ZNF407: variants seen among roughly 807,000 people sequenced by gnomAD.
ZNF407 encodes zinc finger protein 407.
A neutral mutation model predicts 131.2 loss-of-function variants in ZNF407; 17 were observed. The observed-to-expected ratio is 0.13, with a 90% CI of 0.09 to 0.19. ZNF407 has a LOEUF of 0.19. Ranked by LOEUF, ZNF407 falls within the 10% of genes least tolerant of loss-of-function variation. The pLI, the probability that ZNF407 is intolerant of heterozygous loss-of-function variation, is 1.00. For missense variants in ZNF407, 2,681 were observed against 2,830.6 expected, an observed-to-expected ratio of 0.95 and a Z score of 1.20; for synonymous variants, 1,156 against 1,062.0, an observed-to-expected ratio of 1.09 and a Z score of -1.72.
intron 3 of ZNF407, among the ~76,000 whole-genome samples, chr18:74,764,941 A>G (rs540627904): frequency 5.5e-4 from 84 of 152,322 alleles, no homozygotes; most frequent in Non-Finnish European, 1.0e-3. Context: ...CATTCTCATT[A>G]TCTTCACATT....
At chr18:74,694,152 TG>T (rs1423494858) in intron 3 of ZNF407, among the ~76,000 whole-genome samples, 2 of 152,152 alleles carry the variant, frequency 1.3e-5, no homozygotes, top group Admixed American at 1.3e-4. Context: ...CTTTAAAGAA[TG>T]TTGGATTTTT....
rs113305397 is a variant in ZNF407 at position 74,820,239 on chromosome 18, G to C, written c.4877+38737G>C. The stretch of plus-strand genomic sequence containing the variant: ...GTGTGCACAAAACCTGGGGAGGGCA[G>C]GCAGCAGGTGTCCCAGGAGCTTGGA... On this transcript the variant is annotated intron_variant, in intron 4 of 8. Transcript: ENST00000299687. 5.9e-3 allele frequency among the ~76,000 whole-genome samples: 903 copies of C among 152,330 alleles called. 5 individuals are homozygous for C. Among genetic ancestry groups the C allele is most frequent in the African/African-American group, 0.02 (833 of 41,588 alleles).
intron 3 of ZNF407, among the ~76,000 whole-genome samples, chr18:74,685,397 T>A (rs1443575086): frequency 1.3e-5 from 2 of 152,160 alleles, no homozygotes; most frequent in East Asian, 3.8e-4. Context: ...TGGCACTGTC[T>A]TCCTTCTCCT....
chr18:74,604,952 T>G (rs1982738856), intron 1 of ZNF407, among the ~76,000 whole-genome samples: 1 of 152,212 alleles, frequency 6.6e-6, no homozygotes, highest in Admixed American at 6.5e-5. Flanking sequence ...TGGGCCATTC[T>G]TACAGTAAGC....
intron 4 of ZNF407, among the ~76,000 whole-genome samples, chr18:74,800,840 A>T (rs1970007560): frequency 6.6e-6 from 1 of 152,080 alleles, no homozygotes; most frequent in East Asian, 1.9e-4. Flanking sequence ...TTTGTCAGTG[A>T]TTTGCCCTAT....
At position 75,015,177 on chromosome 18, in the gene ZNF407, A is replaced by G. The variant is rs561551846; in HGVS notation, c.5429-47973A>G. On this transcript the variant is annotated intron_variant, in intron 8 of 8. Transcript: ENST00000299687. ...GATCTGAAGAAATGCTGAAGAATAGACTTTTAAAGTAGAAATATAAGGCAA... is the reference window on the plus strand; with the variant it reads ...GATCTGAAGAAATGCTGAAGAATAGGCTTTTAAAGTAGAAATATAAGGCAA... Among the ~76,000 whole-genome samples the G allele has an allele frequency of 4.3e-3, 652 of 152,240 alleles. 11 individuals are homozygous for G. Among genetic ancestry groups the G allele is most frequent in the African/African-American group, 0.014 (599 of 41,566 alleles).
chr18:74,640,310 A>G (rs1252125011), intron 2 of ZNF407, among the ~76,000 whole-genome samples: 2 of 152,144 alleles, frequency 1.3e-5, no homozygotes, highest in African/African-American at 4.8e-5. Context: ...AATGACAACA[A>G]ATTTTGTATG....
intron 8 of ZNF407, among the ~76,000 whole-genome samples, chr18:74,984,149 A>G (rs1429303415): frequency 6.6e-6 from 1 of 152,144 alleles, no homozygotes; most frequent in Non-Finnish European, 1.5e-5. Flanking sequence ...AGTTAACAGA[A>G]CTAGCTCTCG....
chr18:74,620,551 G>C (rs1983469834), intron 1 of ZNF407, among the ~76,000 whole-genome samples: 1 of 152,136 alleles, frequency 6.6e-6, no homozygotes, highest in Admixed American at 6.5e-5. Flanking sequence ...CTCTGGAATA[G>C]AAACGATATT....
rs1377005531 is a variant in ZNF407, at chr18:74,635,905, A to G, written c.4687+199A>G. ...GGGTAATTAAGCCCTAGTGATTTCA[A>G]AGGCAGGTTAGCTGACAAGTTTCTT... On this transcript the variant is annotated intron_variant, in intron 2 of 8. Coordinates refer to ENST00000299687, the MANE Select transcript of ZNF407 (RefSeq NM_017757.3). This position sits in a 1 kb window ranked among gnomAD's most constrained non-coding sequence, Gnocchi z 4.7. 1.3e-5 allele frequency among the ~76,000 whole-genome samples: 2 copies of G among 152,152 alleles called. No homozygotes were observed. The highest frequency in any genetic ancestry group is 3.9e-4 in the East Asian group (2 of 5,190).
intron 2 of ZNF407, among the ~76,000 whole-genome samples, chr18:74,637,109 T>G (rs890392684): frequency 5.3e-5 from 8 of 152,208 alleles, no homozygotes; most frequent in Non-Finnish European, 7.3e-5. Context: ...GTAATTATAG[T>G]CAATAAGTCT....
At chr18:74,898,723 AT>A (rs1160093399) in intron 7 of ZNF407, among the ~76,000 whole-genome samples, 4 of 152,246 alleles carry the variant, frequency 2.6e-5, no homozygotes, top group African/African-American at 9.6e-5. Flanking sequence ...TTGACATGGT[AT>A]TTTCTTTCAG....
intron 8 of ZNF407, among the ~76,000 whole-genome samples, chr18:74,971,887 A>C (rs1370954728): frequency 2.0e-5 from 3 of 152,238 alleles, no homozygotes; most frequent in African/African-American, 7.2e-5. Context: ...AAAGAGGTTT[A>C]ATCGGACTTG....
chr18:74,929,697 C>T (rs371929286), intron 8 of ZNF407, among the ~76,000 whole-genome samples: 2 of 152,188 alleles, frequency 1.3e-5, no homozygotes, highest in African/African-American at 4.8e-5. Flanking sequence ...GAACAAGTTA[C>T]TGTTCCAGCT....
chr18:74,626,387 A>G (rs1265960190), intron 1 of ZNF407, among the ~76,000 whole-genome samples: 1 of 152,236 alleles, frequency 6.6e-6, no homozygotes, highest in African/African-American at 2.4e-5. Flanking sequence ...ATGAAAAAAT[A>G]TGTTTTAAAA....
intron 8 of ZNF407, among the ~76,000 whole-genome samples, chr18:75,028,413 A>G (rs1421997655): frequency 1.3e-5 from 2 of 151,994 alleles, no homozygotes; most frequent in Non-Finnish European, 2.9e-5. Context: ...GTCACATTCG[A>G]TTAGGGCCCA....
chr18:74,607,253 A>G (rs1317275139), intron 1 of ZNF407, among the ~76,000 whole-genome samples: 1 of 152,128 alleles, frequency 6.6e-6, no homozygotes, highest in Non-Finnish European at 1.5e-5. Context: ...AAGAATCTGC[A>G]TTTCTCACAG....
intron 3 of ZNF407, among the ~76,000 whole-genome samples, chr18:74,657,110 T>A (rs1297665732): frequency 2.6e-5 from 4 of 151,366 alleles, no homozygotes; most frequent in Non-Finnish European, 5.9e-5. Context: ...AATTTAAGTG[T>A]CTGTGTAGTC....
At chr18:74,901,673 A>G (rs1971526544) in intron 7 of ZNF407, among the ~76,000 whole-genome samples, 2 of 18,090 alleles carry the variant, frequency 1.1e-4, no homozygotes, top group South Asian at 0.013. Context: ...CAGCATATAT[A>G]TATTTTTAAT....
Sources: allele counts gnomAD v4.1 joint callset (sites outside exome capture counted in the v4.1 genomes callset), GRCh38; gene constraint gnomAD v4.1.1; non-coding constraint Gnocchi (gnomAD v3.1); transcripts MANE v1.5; gene names NCBI Gene and HGNC (gene_info 2026-07-23, HGNC 2026-07-21).